THAP6: variants seen among roughly 807,000 people sequenced by gnomAD.
THAP6 encodes the protein THAP domain containing 6, also known as THAP domain-containing protein 6.
In THAP6, 13 loss-of-function variants were observed where a neutral mutation model predicts 20.0. The observed-to-expected ratio is 0.65, with a 90% CI of 0.42 to 1.03. The LOEUF is 1.03. Ranked by LOEUF, THAP6 falls within the 50% of genes least tolerant of loss-of-function variation. The pLI is 0.00. For missense variants in THAP6, 262 were observed against 261.6 expected, an observed-to-expected ratio of 1.00 and a Z score of -0.01; for synonymous variants, 93 against 92.2, an observed-to-expected ratio of 1.01 and a Z score of -0.05.
intron 3 of THAP6, 49 bp from the exon 4 acceptor site, chr4:75,521,687 A>G: frequency 6.6e-7 from 1 of 1,508,812 alleles, no homozygotes; most frequent in Non-Finnish European, 8.9e-7. Flanking sequence ...AAATTTAAGA[A>G]AGAACAAAAG....
intron 3 of THAP6, among the ~76,000 whole-genome samples, chr4:75,519,102 T>G (rs963619838): frequency 3.3e-5 from 5 of 152,186 alleles, no homozygotes; most frequent in African/African-American, 1.2e-4. Flanking sequence ...TCACTGTCAA[T>G]TATATACATG....
intron 2 of THAP6, among the ~76,000 whole-genome samples, chr4:75,536,936 G>A (rs1431075696): frequency 1.3e-5 from 2 of 152,130 alleles, no homozygotes; most frequent in African/African-American, 4.8e-5. Context: ...AGACAAAATC[G>A]ATTTCAGAGC....
rs1725688265 is a variant in THAP6, at chr4:75,516,907, C to T, written c.216C>T (p.Asp72=). 6.2e-7 allele frequency: 1 copy of T among 1,613,852 alleles called. No homozygotes were observed. Among genetic ancestry groups the T allele is most frequent in the African/African-American group, 1.3e-5 (1 of 74,940 alleles). Residue 72 remains aspartate, a synonymous_variant, in exon 3 of 5, where the codon GAC becomes GAT. Coordinates refer to ENST00000311638, the MANE Select transcript of THAP6 (RefSeq NM_144721.6). ...CSRHFKKTDF[D]RSAPNIKLKP... ...GGCACTTTAAGAAGACAGATTTTGA[C>T]AGAAGTGCTCCAAATATTAAACTGA...
In THAP6 at chr4:75,529,090, T is replaced by C. The variant is rs187710623; in HGVS notation, c.*1876T>C. On this transcript the variant is annotated 3_prime_UTR_variant, in exon 5 of 5. Transcript: ENST00000311638. The stretch of plus-strand genomic sequence containing the variant: ...CTACTTTCATTAATTACCCATTATT[T>C]ATTTTAGTTACTTAATTTTGAGTTC... 4.3e-3 allele frequency: 4,194 copies of C among 965,560 alleles called. 15 individuals carry two copies. The highest frequency in any genetic ancestry group is 4.9e-3 in the Non-Finnish European group (3,955 of 811,846). The allele number at this position is 965,560 out of a possible 1,614,324, so 59.8% of individuals were successfully genotyped here.
intron 2 of THAP6, among the ~76,000 whole-genome samples, chr4:75,542,062 G>A (rs1018786583): frequency 6.6e-6 from 1 of 152,126 alleles, no homozygotes; most frequent in Non-Finnish European, 1.5e-5. Context: ...AAAGTTGGAT[G>A]TAAGTCTTGA....
In THAP6 at chr4:75,545,042, T is replaced by C. The variant is rs557445603; in HGVS notation, c.243+2556T>C. ...CTCTGTGCCTCGGTTTTCTCATCTC[T>C]AAAATGGGGATGACAATAGTAACTA... On this transcript the variant is annotated intron_variant, in intron 3 of 4. Transcript: ENST00000502620. 7.9e-5 allele frequency among the ~76,000 whole-genome samples: 12 copies of C among 152,312 alleles called. No homozygotes were observed. In the South Asian group the frequency reaches 2.5e-3, roughly 32 times the overall value.
rs534689951 is a variant in THAP6, at chr4:75,542,540, A to G, written c.243+54A>G. On this transcript the variant is annotated intron_variant, in intron 3 of 4. Transcript: ENST00000502620. ...CTTTATTAACTCATTTAACTTCACA[A>G]CAACCCTATAAGGTAGGTACTATTA... 21 of 695,828 alleles carry G rather than the reference A, an allele frequency of 3.0e-5. No homozygotes were observed. The South Asian group carries it at 3.1e-4, about 10-fold the overall frequency. 43.1% of individuals were successfully genotyped at this position (695,828 alleles called of 1,614,324 possible).
At chr4:75,518,220 G>A (rs1028635656) in intron 3 of THAP6, among the ~76,000 whole-genome samples, 1 of 152,084 alleles carries the variant, frequency 6.6e-6, no homozygotes, top group Non-Finnish European at 1.5e-5. Flanking sequence ...TAAACCATAA[G>A]TTACCAACTT....
At chr4:75,540,104 T>C (rs2148832081) in intron 2 of THAP6, 2 of 972,692 alleles carry the variant, frequency 2.1e-6, no homozygotes, top group East Asian at 5.3e-5. Flanking sequence ...CCATTTAATC[T>C]ATCTTAGATA....
At chr4:75,519,935 A>G (rs1725920463) in intron 3 of THAP6, among the ~76,000 whole-genome samples, 1 of 152,012 alleles carries the variant, frequency 6.6e-6, no homozygotes, top group Non-Finnish European at 1.5e-5. Context: ...ACTAGTTTAC[A>G]GTCCCACCAA....
At chr4:75,543,835 C>T (rs1310792818) in intron 3 of THAP6, among the ~76,000 whole-genome samples, 1 of 152,126 alleles carries the variant, frequency 6.6e-6, no homozygotes, top group East Asian at 1.9e-4. Context: ...TAAATCGCTT[C>T]GTGTACATTT....
chr4:75,514,594 G>A (rs1725385270), intron 1 of THAP6, 74 bp downstream of exon 1: 1 of 278,282 alleles, frequency 3.6e-6, no homozygotes, highest in South Asian at 1.1e-4. Context: ...TCGGCGCGAG[G>A]TTGGCGGCAG....
rs1726417342 is a variant in THAP6, at chr4:75,527,034, G to A, written c.489G>A (p.Glu163=). 2 of 1,613,916 alleles carry A rather than the reference G, an allele frequency of 1.2e-6. No homozygotes were observed. Among genetic ancestry groups the A allele is most frequent in the Admixed American group, 1.7e-5 (1 of 59,982 alleles). The stretch of plus-strand genomic sequence containing the variant: ...TAGATCATGTGATCGGCGAGCTAGA[G>A]GATACAAAGGAAAGTCTACGGAATG... ...HKLDHVIGEL[E]DTKESLRNVL... Residue 163 remains glutamate, a synonymous_variant, in exon 5 of 5, where the codon GAG becomes GAA. Transcript: ENST00000311638.
chr4:75,535,931 A>G (rs1726839968), intron 2 of THAP6, among the ~76,000 whole-genome samples: 1 of 152,108 alleles, frequency 6.6e-6, no homozygotes, highest in Admixed American at 6.6e-5. Flanking sequence ...CTCCACTTCT[A>G]TTGATTGTAT....
chr4:75,514,395 C>T (rs918328418), upstream of THAP6: 13 of 1,276,368 alleles, frequency 1.0e-5, no homozygotes, highest in South Asian at 1.4e-5. Context: ...CGGCCACTAG[C>T]GACAATATGG....
chr4:75,542,127 T>C (rs1217390767), intron 2 of THAP6, among the ~76,000 whole-genome samples: 1 of 152,176 alleles, frequency 6.6e-6, no homozygotes, highest in African/African-American at 2.4e-5. Context: ...CCCAAACCCC[T>C]GCCAGCCCAA....
rs1244767852 is a variant in THAP6 at position 75,525,396 on chromosome 4, T to C, written c.415-1564T>C. 6.6e-5 allele frequency among the ~76,000 whole-genome samples: 10 copies of C among 152,334 alleles called. No homozygotes were observed. In the East Asian group the frequency reaches 1.9e-3, roughly 29 times the overall value. ...ACTTTACATTCACGAAATCTTTTCT[T>C]CTTCAAAAAATACACTGCCATTCTC... On this transcript the variant is annotated intron_variant, in intron 4 of 4. Coordinates refer to ENST00000311638, the MANE Select transcript of THAP6 (RefSeq NM_144721.6).
At chr4:75,531,633 G>A (rs1726681861), downstream of THAP6, among the ~76,000 whole-genome samples, 1 of 152,116 alleles carries the variant, frequency 6.6e-6, no homozygotes, top group African/African-American at 2.4e-5. Flanking sequence ...ACCCGAGACT[G>A]AGCACTTTAT....
In THAP6 at chr4:75,545,705, A is replaced by G. The variant is rs1727111045; in HGVS notation, c.243+3219A>G. On this transcript the variant is annotated intron_variant, in intron 3 of 4. Transcript: ENST00000502620. Reference sequence around the variant, plus strand: ...AAATAGCAGCTTCCCCGGATTACTCACCGTGGCTCTGTGAGAAGAATGCCT... The same window carrying G: ...AAATAGCAGCTTCCCCGGATTACTCGCCGTGGCTCTGTGAGAAGAATGCCT... 3.3e-5 allele frequency among the ~76,000 whole-genome samples: 5 copies of G among 152,202 alleles called. No individual in the cohort carries two copies. In the South Asian group the frequency reaches 1.0e-3, roughly 31 times the overall value.
Sources: gnomAD v4.1 joint callset for allele counts (sites outside exome capture counted in the v4.1 genomes callset) on GRCh38, gnomAD v4.1.1 for gene constraint, MANE v1.5 for transcripts, NCBI Gene and HGNC (gene_info 2026-07-23, HGNC 2026-07-21) for gene names.